The following ZSCAN5A variants were observed in gnomAD, a reference collection of about 807,000 sequenced individuals.
The protein encoded by ZSCAN5A is zinc finger and SCAN domain containing 5A, also known as zinc finger and SCAN domain-containing protein 5A.
ZSCAN5A carries 12 observed loss-of-function variants against 23.7 expected under a neutral mutation model. The observed-to-expected ratio is 0.51, with a 90% CI of 0.32 to 0.82. ZSCAN5A has a LOEUF of 0.82. ZSCAN5A is among the 40% of genes least tolerant of loss of function. The pLI, the probability that ZSCAN5A is intolerant of heterozygous loss-of-function variation, is 0.03. For missense variants in ZSCAN5A, 597 were observed against 617.9 expected (o/e 0.97, Z 0.36); for synonymous variants, 257 against 239.9 (o/e 1.07, Z -0.66).
At chr19:56,256,457 C>G (rs2036698610) in intron 2 of ZSCAN5A, among the ~76,000 whole-genome samples, 1 of 152,130 alleles carries the variant, frequency 6.6e-6, no homozygotes, top group Non-Finnish European at 1.5e-5. Context: ...GCCTCCCAAC[C>G]AAAGTGCTGG....
At chr19:56,321,320 G>A (rs928924564) in intron 2 of ZSCAN5A, 1 of 656,678 alleles carries the variant, frequency 1.5e-6, no homozygotes, top group South Asian at 1.6e-5. Context: ...TGGTCAAGAA[G>A]TCCCATGCCC....
At chr19:56,302,563 C>CTTCCTTTTCTTCCTCCCCCT (rs150005575) in intron 2 of ZSCAN5A, among the ~76,000 whole-genome samples, 1 of 92,964 alleles carries the variant, frequency 1.1e-5, no homozygotes, top group African/African-American at 5.3e-5. Context: ...CTCCCTCCCC[C>CTTCCTTTTCTTCCTCCCCCT]CTTCCTTTTC....
chr19:56,283,483 T>C (rs559103171), intron 2 of ZSCAN5A: 1 of 152,304 alleles, frequency 6.6e-6, no homozygotes, highest in Admixed American at 6.5e-5. Context: ...AGCCATTCAA[T>C]GCCCACATCA....
Position 56,278,385 on chromosome 19 carries a change from C to T in ZSCAN5A, c.-128+34898G>A, listed in dbSNP as rs562320698. Among the ~76,000 whole-genome samples the T allele has an allele frequency of 8.5e-4, 130 of 152,258 alleles. 2 individuals carry two copies. Among genetic ancestry groups the T allele is most frequent in the East Asian group, 5.8e-4 (3 of 5,170 alleles). On this transcript the variant is annotated intron_variant, in intron 2 of 5. Transcript: ENST00000683990. The stretch of plus-strand genomic sequence containing the variant: ...CTGACCTCAAGTGATCTGCCCACCT[C>T]GGTCTCCCAAAGTGCTGGGATTACA...
chr19:56,319,848 G>A, intron 2 of ZSCAN5A: 2 of 787,162 alleles, frequency 2.5e-6, no homozygotes. Flanking sequence ...GTTTTCATTA[G>A]TATAAAGAGC....
chr19:56,293,151 C>A (rs935633777), intron 2 of ZSCAN5A, among the ~76,000 whole-genome samples: 3 of 152,160 alleles, frequency 2.0e-5, no homozygotes, highest in Non-Finnish European at 4.4e-5. Context: ...TCTGAAAAAA[C>A]AAATTGAAAA....
At chr19:56,348,345 C>A (rs2041647772) in intron 2 of ZSCAN5A, among the ~76,000 whole-genome samples, 1 of 152,068 alleles carries the variant, frequency 6.6e-6, no homozygotes, top group African/African-American at 2.4e-5. Flanking sequence ...TTAGTTGACA[C>A]ACGCTTGCAA....
intron 2 of ZSCAN5A, chr19:56,321,021 AGTAAT>A: frequency 2.8e-6 from 2 of 703,474 alleles, no homozygotes; most frequent in Non-Finnish European, 5.3e-6. Flanking sequence ...CACCTGCTGT[AGTAAT>A]AAGACTTCTC....
chr19:56,240,117 A>G (rs942063122), intron 2 of ZSCAN5A, among the ~76,000 whole-genome samples: 4 of 152,068 alleles, frequency 2.6e-5, no homozygotes, highest in Non-Finnish European at 4.4e-5. Flanking sequence ...AGCCGAGATC[A>G]CGCCACTGAA....
intron 2 of ZSCAN5A, among the ~76,000 whole-genome samples, chr19:56,281,536 G>A (rs932839304): frequency 8.5e-5 from 13 of 152,070 alleles, no homozygotes; most frequent in African/African-American, 3.1e-4. Context: ...TATAAAGATC[G>A]CACTCCATAT....
intron 2 of ZSCAN5A, among the ~76,000 whole-genome samples, chr19:56,277,865 A>G (rs966254351): frequency 6.6e-6 from 1 of 152,200 alleles, no homozygotes; most frequent in Non-Finnish European, 1.5e-5. Context: ...CAATTCATCC[A>G]TGTCACCAAA....
In ZSCAN5A at chr19:56,291,737, CAT is replaced by C. The variant is rs2039522667; in HGVS notation, c.-128+21544_-128+21545del. 2.0e-5 allele frequency among the ~76,000 whole-genome samples: 3 copies of C among 152,076 alleles called. No individual in the cohort carries two copies. In the South Asian group the frequency reaches 6.2e-4, roughly 32 times the overall value. On this transcript the variant is annotated intron_variant, in intron 2 of 5. Coordinates refer to ENST00000683990, the MANE Select transcript of ZSCAN5A (RefSeq NM_001322064.3). The stretch of plus-strand genomic sequence containing the variant: ...CATGGATCAACTCTCAGCTTTTGAC[CAT>C]CTTTTTTTTTTAAACTCAAGAACTG...
At chr19:56,362,921 G>A (rs928288157) in intron 2 of ZSCAN5A, among the ~76,000 whole-genome samples, 12 of 150,500 alleles carry the variant, frequency 8.0e-5, no homozygotes, top group Admixed American at 1.3e-4. Context: ...ACATGTATAC[G>A]GGAACTGCCT....
intron 2 of ZSCAN5A, among the ~76,000 whole-genome samples, chr19:56,276,564 C>A (rs886411801): frequency 1.4e-5 from 2 of 139,646 alleles, no homozygotes; most frequent in East Asian, 4.0e-4. Context: ...TTGAGACGAG[C>A]CTCGCTCTGT....
chr19:56,296,187 G>A (rs1201754723), intron 2 of ZSCAN5A: 1 of 152,558 alleles, frequency 6.6e-6, no homozygotes, highest in Non-Finnish European at 1.5e-5. Flanking sequence ...GGTGGCAGTG[G>A]GGACAGTGTG....
At chr19:56,340,843 C>T (rs1568759806) in intron 2 of ZSCAN5A, 2 of 152,194 alleles carry the variant, frequency 1.3e-5, no homozygotes, top group Admixed American at 1.3e-4. Context: ...ACCACCTTGC[C>T]ATGTCAATTC....
At chr19:56,318,670 T>TA (rs1436632610), upstream of ZSCAN5A, among the ~76,000 whole-genome samples, 1 of 152,070 alleles carries the variant, frequency 6.6e-6, no homozygotes, top group African/African-American at 2.4e-5. Context: ...TAAGAGAAAA[T>TA]AAAATCAATG....
chr19:56,347,866 T>G (rs1167726437), intron 2 of ZSCAN5A: 1 of 152,246 alleles, frequency 6.6e-6, no homozygotes, highest in East Asian at 1.9e-4. Flanking sequence ...GAGAGCAAGC[T>G]CGGGAGACGG....
intron 2 of ZSCAN5A, chr19:56,244,436 A>AC: frequency 1.3e-6 from 2 of 1,579,436 alleles, no homozygotes; most frequent in Non-Finnish European, 1.7e-6. Flanking sequence ...GGTGAGTGGG[A>AC]CCCTCGTGAC....
Sources: gnomAD v4.1 joint callset for allele counts (sites outside exome capture counted in the v4.1 genomes callset) on GRCh38, gnomAD v4.1.1 for gene constraint, MANE v1.5 for transcripts, NCBI Gene and HGNC (gene_info 2026-07-23, HGNC 2026-07-21) for gene names.